XYLT1: variants seen among roughly 807,000 people sequenced by gnomAD.
XYLT1 encodes beta-D-xylosyltransferase 1.
Under a neutral mutation model 91.3 loss-of-function variants are expected in XYLT1, and 36 were observed. That is an observed-to-expected ratio of 0.39 (90% CI 0.30 to 0.52). The LOEUF is 0.52. Ranked by LOEUF, XYLT1 falls within the 20% of genes least tolerant of loss-of-function variation. The pLI, the probability that XYLT1 is intolerant of heterozygous loss-of-function variation, is 0.68. For missense variants in XYLT1, 1,242 were observed against 1,284.5 expected, an observed-to-expected ratio of 0.97 and a Z score of 0.51; for synonymous variants, 588 against 532.0, an observed-to-expected ratio of 1.11 and a Z score of -1.45.
intron 3 of XYLT1, among the ~76,000 whole-genome samples, chr16:17,222,956 G>C (rs896243358): frequency 6.6e-6 from 1 of 151,736 alleles, no homozygotes; most frequent in African/African-American, 2.4e-5. Flanking sequence ...ACCAAGCGGG[G>C]GCTGGGACTA....
At chr16:17,221,285 T>C (rs137951438) in intron 3 of XYLT1, among the ~76,000 whole-genome samples, 22 of 152,298 alleles carry the variant, frequency 1.4e-4, no homozygotes, top group Middle Eastern at 6.8e-3. Context: ...ACACTGACCC[T>C]GCCAGAAATA....
intron 1 of XYLT1, among the ~76,000 whole-genome samples, chr16:17,433,106 T>C (rs567724945): frequency 1.3e-5 from 2 of 151,840 alleles, no homozygotes; most frequent in African/African-American, 4.8e-5. Context: ...GCTCAGCCCA[T>C]CAGCTGTGTT....
At chr16:17,156,944 CTTT>C (rs71137977) in intron 6 of XYLT1, among the ~76,000 whole-genome samples, 41 of 147,434 alleles carry the variant, frequency 2.8e-4, no homozygotes, top group Admixed American at 4.7e-4. Context: ...TCTAGGGTTA[CTTT>C]TTTTTTTTTT....
At chr16:17,294,698 C>A (rs1397246407) in intron 2 of XYLT1, among the ~76,000 whole-genome samples, 3 of 152,230 alleles carry the variant, frequency 2.0e-5, no homozygotes, top group African/African-American at 7.2e-5. Flanking sequence ...TTTCCCCCAC[C>A]TAGGAATCTG....
chr16:17,450,325 G>T (rs570619026), intron 1 of XYLT1, among the ~76,000 whole-genome samples: 1 of 151,822 alleles, frequency 6.6e-6, no homozygotes, highest in Non-Finnish European at 1.5e-5. Flanking sequence ...GCAACAGAGC[G>T]AGACTCCGTC....
chr16:17,227,787 A>T (rs1360466724), intron 3 of XYLT1: 1 of 152,400 alleles, frequency 6.6e-6, no homozygotes, highest in Non-Finnish European at 1.5e-5. Flanking sequence ...ATACTACCAG[A>T]CAGAGACAAT....
chr16:17,127,439 C>T, intron 10 of XYLT1, among the ~76,000 whole-genome samples: 1 of 152,138 alleles, frequency 6.6e-6, no homozygotes, highest in South Asian at 2.1e-4. Flanking sequence ...AAATTCTACC[C>T]TAAAAAATAC....
intron 2 of XYLT1, among the ~76,000 whole-genome samples, chr16:17,308,660 A>C (rs1394430289): frequency 6.6e-6 from 1 of 152,224 alleles, no homozygotes; most frequent in Non-Finnish European, 1.5e-5. Context: ...CTTCCTTGGC[A>C]TGTGAACTTG....
intron 6 of XYLT1, among the ~76,000 whole-genome samples, chr16:17,143,452 C>T (rs547245459): frequency 6.6e-6 from 1 of 152,310 alleles, no homozygotes; most frequent in African/African-American, 2.4e-5. Flanking sequence ...GACCTTTCTG[C>T]TCCTTCAGGC....
At chr16:17,117,542 C>T (rs573932185) in intron 11 of XYLT1, 104 bp downstream of exon 11, 55 of 1,260,930 alleles carry the variant, frequency 4.4e-5, no homozygotes, top group Non-Finnish European at 5.6e-5. Flanking sequence ...TCTGTGAGGC[C>T]GCTGCTTACC....
intron 1 of XYLT1, among the ~76,000 whole-genome samples, chr16:17,424,740 T>C (rs1421308630): frequency 6.6e-6 from 1 of 151,788 alleles, no homozygotes; most frequent in Non-Finnish European, 1.5e-5. Flanking sequence ...TAGTGGTAGG[T>C]GCCTGTAATC....
At chr16:17,269,742 G>T (rs1596458454) in intron 2 of XYLT1, among the ~76,000 whole-genome samples, 2 of 151,656 alleles carry the variant, frequency 1.3e-5, no homozygotes, top group African/African-American at 2.4e-5. Context: ...ACTTCCCTGA[G>T]TCCACTGAGC....
At chr16:17,348,438 G>A (rs2035176111) in intron 2 of XYLT1, among the ~76,000 whole-genome samples, 1 of 152,144 alleles carries the variant, frequency 6.6e-6, no homozygotes, top group African/African-American at 2.4e-5. Context: ...CAGCACTGCA[G>A]AAGAGGGAGG....
intron 1 of XYLT1, among the ~76,000 whole-genome samples, chr16:17,441,607 T>C (rs181914553): frequency 2.8e-4 from 42 of 152,240 alleles, no homozygotes; most frequent in African/African-American, 1.0e-3. Context: ...CTTTGGACTC[T>C]TGTTTTAATT....
intron 1 of XYLT1, among the ~76,000 whole-genome samples, chr16:17,450,786 C>T (rs1326668358): frequency 6.6e-6 from 1 of 152,212 alleles, no homozygotes; most frequent in Non-Finnish European, 1.5e-5. Flanking sequence ...ACAGACACTG[C>T]TGCCAGGTCA....
At chr16:17,166,468 A>G (rs112744189) in intron 5 of XYLT1, among the ~76,000 whole-genome samples, 1,842 of 151,980 alleles carry the variant, frequency 0.012, 45 homozygotes, top group African/African-American at 0.041. Context: ...TTCTATGCTC[A>G]GCACAGACAG....
intron 10 of XYLT1, among the ~76,000 whole-genome samples, chr16:17,121,504 C>T (rs2030053406): frequency 6.6e-6 from 1 of 152,226 alleles, no homozygotes; most frequent in Admixed American, 6.5e-5. Flanking sequence ...TCAAGCTTAA[C>T]ATACTGCTCC....
At chr16:17,132,214 G>T (rs2030509275) in intron 9 of XYLT1, among the ~76,000 whole-genome samples, 1 of 152,202 alleles carries the variant, frequency 6.6e-6, no homozygotes, top group Non-Finnish European at 1.5e-5. Flanking sequence ...CAGACTAGCA[G>T]TGGGGGGGAG....
chr16:17,197,028 T>G (rs773880565), intron 5 of XYLT1, among the ~76,000 whole-genome samples: 3 of 83,454 alleles, frequency 3.6e-5, no homozygotes, highest in African/African-American at 6.3e-5. Context: ...TATATATATA[T>G]ATAGATATAT....
Sources: gnomAD v4.1 joint callset for allele counts (sites outside exome capture counted in the v4.1 genomes callset) on GRCh38, gnomAD v4.1.1 for gene constraint, MANE v1.5 for transcripts, NCBI Gene and HGNC (gene_info 2026-07-23, HGNC 2026-07-21) for gene names.